The following EVC variants were observed in gnomAD, a reference collection of about 807,000 sequenced individuals.
EVC encodes evC complex member EVC.
A neutral mutation model predicts 118.9 loss-of-function variants in EVC; 116 were observed. That is an observed-to-expected ratio of 0.98 (90% CI 0.84 to 1.14). The LOEUF (loss-of-function observed/expected upper bound fraction) is 1.14, where lower values mean the gene tolerates loss of function less well. EVC is among the 50% of genes most tolerant of loss of function. The pLI is 0.00. For missense variants in EVC, 1,401 were observed against 1,246.4 expected, an observed-to-expected ratio of 1.12 and a Z score of -1.87; for synonymous variants, 619 against 534.7, an observed-to-expected ratio of 1.16 and a Z score of -2.18.
chr4:5,798,736 G>A lies in EVC; in HGVS notation c.2248G>A (p.Val750Met), dbSNP rs1411776741. Reference sequence around the variant, plus strand: ...GTGCGCCATTGGGCAGGCGCTGCTGGTGCATGCACGGAATGCAGCCACCAA... The same window carrying A: ...GTGCGCCATTGGGCAGGCGCTGCTGATGCATGCACGGAATGCAGCCACCAA... Reference protein sequence around the residue: ...MECAIGQALLVHARNAATKSR... With the variant: ...MECAIGQALLMHARNAATKSR... The change falls in exon 15 of 21, where the codon GTG (valine) becomes ATG (methionine). Residue 750 changes from valine to methionine, a missense_variant. Val to Met is a conservative substitution (Grantham distance 21, BLOSUM62 1). Coordinates refer to ENST00000264956, the MANE Select transcript of EVC (RefSeq NM_153717.3). The surrounding 1 kb of genome is among the most constrained non-coding windows in gnomAD (Gnocchi z 4.1). 1.2e-6 allele frequency: 2 copies of A among 1,611,138 alleles called. No individual in the cohort carries two copies. Among genetic ancestry groups the A allele is most frequent in the Non-Finnish European group, 1.7e-6 (2 of 1,179,954 alleles).
In EVC at chr4:5,804,844, G is replaced by A. The variant is rs1465743247; in HGVS notation, c.2561+3G>A. On this transcript the variant is annotated splice_donor_region_variant and intron_variant, in intron 17 of 20. Transcript: ENST00000264956. Reference sequence around the variant, plus strand: ...ACCTCCCAGGCGGTCCACCAGAGGTGAGGTCCCAACTGAGGTCCCACGTAG... The same window carrying A: ...ACCTCCCAGGCGGTCCACCAGAGGTAAGGTCCCAACTGAGGTCCCACGTAG... 1 of 1,613,160 alleles carries A rather than the reference G, an allele frequency of 6.2e-7. No individual in the cohort carries two copies. The highest frequency in any genetic ancestry group is 8.5e-7 in the Non-Finnish European group (1 of 1,179,322).
chr4:5,740,009 C>T (rs754175632), intron 5 of EVC, among the ~76,000 whole-genome samples: 1 of 151,892 alleles, frequency 6.6e-6, no homozygotes, highest in Non-Finnish European at 1.5e-5. Flanking sequence ...GGCAAAAGCA[C>T]TTCAATGGAG....
At chr4:5,808,418 G>A (rs898549939) in intron 18 of EVC, 91 bp downstream of exon 18, 88 of 1,580,960 alleles carry the variant, frequency 5.6e-5, no homozygotes, top group Non-Finnish European at 6.7e-5. Flanking sequence ...CGTCAGCCAT[G>A]GGGACTGCAC....
At position 5,729,351 on chromosome 4, in the gene EVC, G is replaced by A. The variant is rs1158884071; in HGVS notation, c.345G>A (p.Leu115=). The A allele has an allele frequency of 6.2e-7, 1 of 1,614,124 alleles. No individual in the cohort carries two copies. Among genetic ancestry groups the A allele is most frequent in the East Asian group, 2.2e-5 (1 of 44,872 alleles). Residue 115 remains leucine (L), a synonymous_variant, in exon 3 of 21, where the codon CTG becomes CTA. Transcript: ENST00000264956. ...ACAGCAATATCACAGCATTCGCCCT[G>A]AAGGCCAAAGTCATCTACCCCATCA... ...PSNSNITAFA[L]KAKVIYPINQ... is the part of the protein sequence containing the mutation.
At chr4:5,759,434 G>C (rs893025284) in intron 11 of EVC, among the ~76,000 whole-genome samples, 1 of 152,064 alleles carries the variant, frequency 6.6e-6, no homozygotes, top group South Asian at 2.1e-4. Flanking sequence ...CAGACATCTG[G>C]GGTTCAAATT....
At chr4:5,760,536 G>A (rs6828948) in intron 11 of EVC, among the ~76,000 whole-genome samples, 97,328 of 151,928 alleles carry the variant, frequency 0.64, 31,583 homozygotes, top group South Asian at 0.78. Flanking sequence ...CTCCACATCT[G>A]TGTGGGTGTT....
chr4:5,756,173 T>G lies in EVC; in HGVS notation c.1465-91T>G. 1 of 979,966 alleles carries G rather than the reference T, an allele frequency of 1.0e-6. No homozygotes were observed. Among genetic ancestry groups the G allele is most frequent in the Non-Finnish European group, 1.6e-6 (1 of 633,674 alleles). The allele number at this position is 979,966 out of a possible 1,614,324, so 60.7% of individuals were successfully genotyped here. ...GGTGCCAACATCCTTCTTTCTAACC[T>G]GAGATGCAGGGGATGGTTGGAGAAC... On this transcript the variant is annotated intron_variant, in intron 10 of 20. Transcript: ENST00000264956. The surrounding 1 kb of genome is among the most constrained non-coding windows in gnomAD (Gnocchi z 4.2).
rs1020342024 is a variant in EVC, at chr4:5,724,927, CTA to C, written c.301-4378_301-4377del. On this transcript the variant is annotated intron_variant, in intron 2 of 20. Transcript: ENST00000264956. ...GTGTTGTTCCCCCAACCCAATGTGTCTATGTGTTCTCATTGTCTAGCTTCTAC... is the reference window on the plus strand; with the variant it reads ...GTGTTGTTCCCCCAACCCAATGTGTCTGTGTTCTCATTGTCTAGCTTCTAC... Among the ~76,000 whole-genome samples the C allele has an allele frequency of 2.1e-4, 32 of 152,144 alleles. 1 individual carries two copies. Among genetic ancestry groups the C allele is most frequent in the African/African-American group, 7.0e-4 (29 of 41,486 alleles).
chr4:5,733,386 T>G lies in EVC; in HGVS notation c.653T>G (p.Leu218Ter). ...DVDLCIYSLH[L>*]KDLLHLDTAL... Reference sequence around the variant, plus strand: ...GACCTGTGTATCTACAGCCTTCACTTAAAAGACCTGCTGCATTTGGACACG... The same window carrying G: ...GACCTGTGTATCTACAGCCTTCACTGAAAAGACCTGCTGCATTTGGACACG... The change falls in exon 5 of 21, where the codon TTA becomes TGA. Residue 218 changes from leucine (L) to a stop codon, truncating the protein, a stop_gained. Transcript: ENST00000264956. LOFTEE classifies it high-confidence loss of function. 6.2e-7 allele frequency: 1 copy of G among 1,614,130 alleles called. No individual in the cohort carries two copies. Among genetic ancestry groups the G allele is most frequent in the East Asian group, 2.2e-5 (1 of 44,890 alleles).
intron 11 of EVC, among the ~76,000 whole-genome samples, chr4:5,771,857 T>A (rs1472355000): frequency 6.6e-6 from 1 of 152,046 alleles, no homozygotes; most frequent in East Asian, 1.9e-4. Flanking sequence ...CCCTTTACAG[T>A]AACCAGCTAA....
chr4:5,727,150 G>C (rs1260420815), intron 2 of EVC, among the ~76,000 whole-genome samples: 112 of 151,836 alleles, frequency 7.4e-4, no homozygotes, highest in African/African-American at 2.5e-3. Flanking sequence ...TCGCCACACT[G>C]ACTTCCACAA....
intron 2 of EVC, among the ~76,000 whole-genome samples, chr4:5,724,019 G>A (rs1179204416): frequency 6.6e-6 from 1 of 152,200 alleles, no homozygotes; most frequent in Non-Finnish European, 1.5e-5. Flanking sequence ...GGAAATTCAT[G>A]TTTAAAAGAT....
the EVC span, among the ~76,000 whole-genome samples, chr4:5,820,545 C>CTAT: frequency 1.2e-4 from 18 of 152,164 alleles, no homozygotes; most frequent in African/African-American, 4.3e-4. Flanking sequence ...AGATTTGAGC[C>CTAT]TATTTTGTGG....
At chr4:5,781,407 G>C (rs1369537640) in intron 11 of EVC, among the ~76,000 whole-genome samples, 1 of 152,120 alleles carries the variant, frequency 6.6e-6, no homozygotes, top group African/African-American at 2.4e-5. Flanking sequence ...GCTGGTGGGA[G>C]CTCGGGGTCA....
In EVC at chr4:5,738,189, T is replaced by C. The variant is rs1727984676; in HGVS notation, c.703-3527T>C. Among the ~76,000 whole-genome samples, 1 of 152,212 alleles carries C rather than the reference T, an allele frequency of 6.6e-6. No homozygotes were observed. Among genetic ancestry groups the C allele is most frequent in the African/African-American group, 2.4e-5 (1 of 41,448 alleles). ...TAGAATTGGAGCCTGAAGATGGGAC[T>C]GAGCTGCTGCAATCTCATGATGAAA... On this transcript the variant is annotated intron_variant, in intron 5 of 20. Transcript: ENST00000264956. The surrounding 1 kb of genome is among the most constrained non-coding windows in gnomAD (Gnocchi z 6.5).
At position 5,731,463 on chromosome 4, in the gene EVC, A is replaced by C; in HGVS notation, c.423A>C (p.Glu141Asp). Reference protein sequence around the residue: ...ADGSSNPSLHENLKQAVLPHQ... With the variant: ...ADGSSNPSLHDNLKQAVLPHQ... ...GCTCCTCCAACCCGTCTCTGCATGA[A>C]AACTTAAAGCAGGCTGTTTTGCCAC... The change falls in exon 4 of 21, where the codon GAA becomes GAC. Residue 141 changes from glutamate (E) to aspartate (D), a missense_variant. By Grantham distance (45) the Glu-to-Asp change is conservative (BLOSUM62 2). Transcript: ENST00000264956. This position sits in a 1 kb window ranked among gnomAD's most constrained non-coding sequence, Gnocchi z 5.6. 2.5e-6 allele frequency: 4 copies of C among 1,613,336 alleles called. No individual in the cohort carries two copies. The highest frequency in any genetic ancestry group is 3.4e-6 in the Non-Finnish European group (4 of 1,179,904).
At chr4:5,762,275 C>G (rs371751805) in intron 11 of EVC, among the ~76,000 whole-genome samples, 1 of 132,864 alleles carries the variant, frequency 7.5e-6, no homozygotes, top group African/African-American at 2.8e-5. Flanking sequence ...TGTATATGTG[C>G]CACATTTTCT....
chr4:5,794,274 TATA>T, intron 13 of EVC, among the ~76,000 whole-genome samples: 6 of 141,682 alleles, frequency 4.2e-5, no homozygotes, highest in Non-Finnish European at 9.1e-5. Flanking sequence ...TATATTTATA[TATA>T]TTTATATATA....
chr4:5,729,552 T>A (rs1296706369), intron 3 of EVC, among the ~76,000 whole-genome samples, 162 bp downstream of exon 3: 1 of 152,184 alleles, frequency 6.6e-6, no homozygotes, highest in Non-Finnish European at 1.5e-5. Flanking sequence ...GAACAGGACA[T>A]GCCCATGGTA....
Sources: allele counts gnomAD v4.1 joint callset (sites outside exome capture counted in the v4.1 genomes callset), GRCh38; gene constraint gnomAD v4.1.1; non-coding constraint Gnocchi (gnomAD v3.1); transcripts MANE v1.5; gene names NCBI Gene and HGNC (gene_info 2026-07-23, HGNC 2026-07-21).